Variants in SUPT3H observed in about 807,000 individuals in gnomAD.
SUPT3H encodes the protein SPT3 homolog, SAGA and STAGA complex component.
Under a neutral mutation model 44.3 loss-of-function variants are expected in SUPT3H, and 44 were observed. That is an observed-to-expected ratio of 0.99 (90% CI 0.78 to 1.28). SUPT3H has a LOEUF of 1.28. Among genes scored for constraint, SUPT3H ranks in the 50% most tolerant of loss-of-function variants. The pLI, the probability that SUPT3H is intolerant of heterozygous loss-of-function variation, is 0.00. For synonymous variants in SUPT3H, 124 were observed against 125.6 expected, an observed-to-expected ratio of 0.99 and a Z score of 0.09; for missense variants, 380 against 387.1, an observed-to-expected ratio of 0.98 and a Z score of 0.15.
intron 6 of SUPT3H, among the ~76,000 whole-genome samples, chr6:45,001,112 G>A (rs948665985): frequency 2.0e-5 from 3 of 151,944 alleles, no homozygotes; most frequent in African/African-American, 7.2e-5. Flanking sequence ...GTCTTTGGTT[G>A]ACAATATTTG....
intron 2 of SUPT3H, among the ~76,000 whole-genome samples, chr6:45,274,425 C>G (rs1776692849): frequency 1.3e-5 from 2 of 152,154 alleles, no homozygotes; most frequent in South Asian, 4.1e-4. Context: ...TCCTATATTT[C>G]TAAACATTTT....
At chr6:45,016,038 T>C (rs116838567) in intron 4 of SUPT3H, among the ~76,000 whole-genome samples, 2,086 of 152,254 alleles carry the variant, frequency 0.014, 58 homozygotes, top group African/African-American at 0.048. Context: ...TGGAGTATTA[T>C]AAATACATAA....
At chr6:45,160,450 T>C (rs1200375027) in intron 2 of SUPT3H, among the ~76,000 whole-genome samples, 1 of 151,894 alleles carries the variant, frequency 6.6e-6, no homozygotes, top group Non-Finnish European at 1.5e-5. Context: ...AGTCAAGATA[T>C]AAAGAGATTT....
rs150709742 is a variant in SUPT3H, at chr6:44,867,989, A to G, written c.913-38132T>C. On this transcript the variant is annotated intron_variant, in intron 10 of 10. Transcript: ENST00000371459. The stretch of plus-strand genomic sequence containing the variant: ...TATTTTTTTTTTTTTCTCCCATGCT[A>G]ACACACTCACAAAAATCCAGTAATT... 1.6e-3 allele frequency among the ~76,000 whole-genome samples: 236 copies of G among 146,120 alleles called. 2 individuals carry two copies. The highest frequency in any genetic ancestry group is 5.6e-3 in the African/African-American group (224 of 39,764).
At chr6:44,986,032 A>C (rs994502498) in intron 6 of SUPT3H, among the ~76,000 whole-genome samples, 12 of 152,188 alleles carry the variant, frequency 7.9e-5, no homozygotes, top group African/African-American at 2.9e-4. Context: ...AAGTATGATA[A>C]GTCCATTATC....
rs563006436 is a variant in SUPT3H, at chr6:45,238,087, C to G, written c.101+127114G>C. Among the ~76,000 whole-genome samples, 22 of 152,208 alleles carry G rather than the reference C, an allele frequency of 1.4e-4. No individual in the cohort carries two copies. In the South Asian group the frequency reaches 4.6e-3, roughly 32 times the overall value. On this transcript the variant is annotated intron_variant, in intron 2 of 10. Transcript: ENST00000371459. Reference sequence around the variant, plus strand: ...TTGTGACAAGGCATGTTAAACAGTCCAACAATTTGCCAGACTTATGTAGGG... The same window carrying G: ...TTGTGACAAGGCATGTTAAACAGTCGAACAATTTGCCAGACTTATGTAGGG...
At chr6:45,146,025 T>A (rs533475893) in intron 2 of SUPT3H, among the ~76,000 whole-genome samples, 39 of 152,206 alleles carry the variant, frequency 2.6e-4, no homozygotes, top group Non-Finnish European at 2.2e-4. Context: ...TAATAGATGT[T>A]GGAGTGGATG....
intron 10 of SUPT3H, among the ~76,000 whole-genome samples, chr6:44,893,129 AAGG>A (rs1171765227): frequency 3.9e-5 from 6 of 152,278 alleles, no homozygotes; most frequent in African/African-American, 1.4e-4. Flanking sequence ...TGTGTGCCTA[AAGG>A]TTGCATATGT....
At chr6:44,843,856 A>C (rs1166685322) in intron 10 of SUPT3H, among the ~76,000 whole-genome samples, 1 of 151,922 alleles carries the variant, frequency 6.6e-6, no homozygotes, top group Non-Finnish European at 1.5e-5. Context: ...TTCTGTAGAA[A>C]GTGATAAACT....
intron 3 of SUPT3H, among the ~76,000 whole-genome samples, chr6:45,025,622 G>T (rs191651406): frequency 1.3e-5 from 2 of 152,158 alleles, no homozygotes; most frequent in Non-Finnish European, 2.9e-5. Context: ...GGTGGCTCAC[G>T]CCTGTAATCC....
chr6:45,100,988 T>A (rs1197606796), intron 3 of SUPT3H, among the ~76,000 whole-genome samples: 3 of 152,154 alleles, frequency 2.0e-5, no homozygotes, highest in African/African-American at 7.2e-5. Flanking sequence ...TGGTATATAT[T>A]CACAATGAAA....
At chr6:44,871,190 G>A (rs1776400330) in intron 10 of SUPT3H, among the ~76,000 whole-genome samples, 1 of 148,094 alleles carries the variant, frequency 6.8e-6, no homozygotes, top group African/African-American at 2.5e-5. Flanking sequence ...CCACCTCTGG[G>A]GGCAGGGCAC....
intron 2 of SUPT3H, among the ~76,000 whole-genome samples, chr6:45,238,735 T>C (rs1769697042): frequency 6.6e-6 from 1 of 152,180 alleles, no homozygotes; most frequent in Non-Finnish European, 1.5e-5. Flanking sequence ...GCTACTATGA[T>C]AGGAAATGGG....
At chr6:44,987,609 G>A (rs533558223) in intron 6 of SUPT3H, among the ~76,000 whole-genome samples, 2 of 152,130 alleles carry the variant, frequency 1.3e-5, no homozygotes, top group Non-Finnish European at 2.9e-5. Flanking sequence ...GTTCTAAAGA[G>A]AATGGAAGGA....
At chr6:45,265,832 T>A (rs1046674697) in intron 2 of SUPT3H, among the ~76,000 whole-genome samples, 1 of 152,030 alleles carries the variant, frequency 6.6e-6, no homozygotes, top group Non-Finnish European at 1.5e-5. Context: ...ATTAATCTCC[T>A]TAAAGTAGTT....
intron 3 of SUPT3H, among the ~76,000 whole-genome samples, chr6:45,052,960 A>G (rs2149872): frequency 0.98 from 149,110 of 152,212 alleles, 73,046 homozygotes; most frequent in Middle Eastern, 1. Flanking sequence ...AGGAAGAGGG[A>G]GAAGAGAGAG....
chr6:45,283,078 G>A (rs1473007244), intron 2 of SUPT3H, among the ~76,000 whole-genome samples: 2 of 152,140 alleles, frequency 1.3e-5, no homozygotes, highest in South Asian at 2.1e-4. Flanking sequence ...AAGAGCTCCT[G>A]AAGGAAGCAC....
chr6:45,096,445 C>T (rs1308281579), intron 3 of SUPT3H, among the ~76,000 whole-genome samples: 1 of 152,012 alleles, frequency 6.6e-6, no homozygotes, highest in Non-Finnish European at 1.5e-5. Flanking sequence ...CAGGGAAAAA[C>T]AGTCAACTCA....
chr6:45,062,940 G>C (rs1193352483), intron 3 of SUPT3H, among the ~76,000 whole-genome samples: 3 of 151,872 alleles, frequency 2.0e-5, no homozygotes, highest in Non-Finnish European at 4.4e-5. Flanking sequence ...AAGGAAACTC[G>C]AACTGGGTGG....
Sources: gnomAD v4.1 joint callset for allele counts (sites outside exome capture counted in the v4.1 genomes callset) on GRCh38, gnomAD v4.1.1 for gene constraint, MANE v1.5 for transcripts, NCBI Gene and HGNC (gene_info 2026-07-23, HGNC 2026-07-21) for gene names.